The following ABCC5 variants were observed in gnomAD, a reference collection of about 807,000 sequenced individuals.
ABCC5 encodes the protein ATP-binding cassette sub-family C member 5.
ABCC5 carries 61 observed loss-of-function variants against 160.9 expected under a neutral mutation model. The ratio of observed to expected loss-of-function variants is 0.38; its 90% confidence interval spans 0.31 to 0.47. The LOEUF is 0.47. ABCC5 is among the 20% of genes least tolerant of loss of function. ABCC5 has a pLI of 0.99. For synonymous variants in ABCC5, 666 were observed against 700.6 expected (o/e 0.95, Z 0.78); for missense variants, 1,308 against 1,813.3 (o/e 0.72, Z 5.06).
intron 10 of ABCC5, among the ~76,000 whole-genome samples, chr3:183,974,945 A>G (rs1331474551): frequency 6.6e-6 from 1 of 152,252 alleles, no homozygotes; most frequent in African/African-American, 2.4e-5. Context: ...AATTTAAAAA[A>G]GAAAGAAAGA....
chr3:183,990,110 T>C (rs542426456), intron 2 of ABCC5, among the ~76,000 whole-genome samples: 1 of 150,692 alleles, frequency 6.6e-6, no homozygotes, highest in East Asian at 2.0e-4. Flanking sequence ...GCCCTGTTTT[T>C]ATTTTATTTT....
In ABCC5 at chr3:183,987,128, G is replaced by A. The variant is rs1460550821; in HGVS notation, c.591+642C>T. On this transcript the variant is annotated intron_variant, in intron 5 of 29. Coordinates refer to ENST00000334444, the MANE Select transcript of ABCC5 (RefSeq NM_005688.4). This position sits in a 1 kb window ranked among gnomAD's most constrained non-coding sequence, Gnocchi z 4.2. ...AATAGATTTAATCAAGGTCTCAAGT[G>A]TAAGGCAGCACAGCAGGTGTAAGAA... 1.2e-5 allele frequency: 2 copies of A among 160,332 alleles called. No individual in the cohort carries two copies. The highest frequency in any genetic ancestry group is 2.8e-5 in the Non-Finnish European group (2 of 72,696). 9.9% of individuals were successfully genotyped at this position (160,332 alleles called of 1,614,324 possible).
intron 5 of ABCC5, chr3:183,984,528 G>T (rs1002848425): frequency 7.9e-6 from 9 of 1,135,134 alleles, no homozygotes; most frequent in Non-Finnish European, 9.8e-6. Context: ...TTTTTCCTGA[G>T]ATTAAATTAA....
intron 11 of ABCC5, among the ~76,000 whole-genome samples, chr3:183,969,298 C>A (rs1446998695): frequency 6.6e-6 from 1 of 152,192 alleles, no homozygotes; most frequent in Non-Finnish European, 1.5e-5. Flanking sequence ...TACATTTTAG[C>A]TGCACGTGTG....
At chr3:183,958,088 T>C (rs112179609) in intron 17 of ABCC5, among the ~76,000 whole-genome samples, 161 of 148,192 alleles carry the variant, frequency 1.1e-3, no homozygotes, top group African/African-American at 3.9e-3. Flanking sequence ...ATATCACATC[T>C]GGTACATGCT....
chr3:183,927,987 A>C (rs1712759110), intron 27 of ABCC5: 1 of 198,778 alleles, frequency 5.0e-6, no homozygotes, highest in South Asian at 1.8e-4. Flanking sequence ...GGCCAGTGGT[A>C]TCAACCTGTA....
intron 5 of ABCC5, chr3:183,983,292 T>C (rs990381726): frequency 2.2e-6 from 1 of 450,964 alleles, no homozygotes; most frequent in East Asian, 4.0e-5. Context: ...AAATTAACTC[T>C]AAACACATGG....
At chr3:183,943,004 C>T in intron 24 of ABCC5, 88 bp from the exon 25 acceptor site, 1 of 1,375,494 alleles carries the variant, frequency 7.3e-7, no homozygotes, top group Non-Finnish European at 9.9e-7. Flanking sequence ...ACCAGGACAA[C>T]CATAGTAGCC....
intron 2 of ABCC5, among the ~76,000 whole-genome samples, chr3:183,995,226 C>T (rs1720169419): frequency 6.6e-6 from 1 of 151,868 alleles, no homozygotes; most frequent in African/African-American, 2.4e-5. Flanking sequence ...ATATTTTCTC[C>T]CATTTTATGG....
At chr3:183,978,924 G>A (rs922485809) in intron 8 of ABCC5, among the ~76,000 whole-genome samples, 1 of 152,222 alleles carries the variant, frequency 6.6e-6, no homozygotes, top group Non-Finnish European at 1.5e-5. Flanking sequence ...CTTAGGTTGA[G>A]AAGGAATGAA....
At chr3:184,013,915 C>T (rs1721970068) in intron 2 of ABCC5, among the ~76,000 whole-genome samples, 1 of 152,178 alleles carries the variant, frequency 6.6e-6, no homozygotes. Context: ...CTCTATCGCC[C>T]AGGCTGGAGT....
intron 12 of ABCC5, chr3:183,967,364 T>C: frequency 6.5e-6 from 2 of 305,514 alleles, no homozygotes; most frequent in East Asian, 8.1e-5. Context: ...GTGTAGGGTG[T>C]CTGCTCATCT....
intron 26 of ABCC5, among the ~76,000 whole-genome samples, chr3:183,932,170 TG>T (rs1165682288): frequency 3.9e-5 from 6 of 152,188 alleles, no homozygotes; most frequent in African/African-American, 1.4e-4. Flanking sequence ...ATAGTAGCCT[TG>T]GTTTTCAGAG....
chr3:183,932,459 G>GAT (rs1462037871), intron 26 of ABCC5, among the ~76,000 whole-genome samples: 1 of 152,172 alleles, frequency 6.6e-6, no homozygotes, highest in Non-Finnish European at 1.5e-5. Context: ...TCCACAAAGA[G>GAT]GCACGTCTAA....
intron 2 of ABCC5, among the ~76,000 whole-genome samples, chr3:183,991,135 TA>T (rs879878524): frequency 9.9e-4 from 140 of 141,672 alleles, no homozygotes; most frequent in Admixed American, 7.8e-4. Context: ...CTACAAAAAG[TA>T]AAAAAAAAAA....
intron 17 of ABCC5, among the ~76,000 whole-genome samples, chr3:183,956,676 T>C (rs375073440): frequency 6.0e-4 from 49 of 81,466 alleles, no homozygotes; most frequent in Admixed American, 1.0e-3. Context: ...GTGTATATCA[T>C]ATAGGTTACA....
rs1008334222 is a variant in ABCC5 at position 183,969,563 on chromosome 3, G to A, written c.1762-1797C>T. 5.9e-5 allele frequency among the ~76,000 whole-genome samples: 9 copies of A among 151,964 alleles called. No individual in the cohort carries two copies. The South Asian group carries it at 6.2e-4, about 11-fold the overall frequency. On this transcript the variant is annotated intron_variant, in intron 11 of 29. Transcript: ENST00000334444. ...AAAAATTAGCCAGGCACAGTGGCACGTGCCTATAATCCCAGCTACTCGGGA... is the reference window on the plus strand; with the variant it reads ...AAAAATTAGCCAGGCACAGTGGCACATGCCTATAATCCCAGCTACTCGGGA...
chr3:183,938,886 T>C lies in ABCC5; in HGVS notation c.3695-826A>G, dbSNP rs113010279. On this transcript the variant is annotated intron_variant, in intron 25 of 29. Transcript: ENST00000334444. ...GGAAGGAGGTTTTGCCTCGACTCAA[T>C]GAGTAGCTGTCAATGGCCCTACTGT... 6.3e-3 allele frequency among the ~76,000 whole-genome samples: 954 copies of C among 152,298 alleles called. 11 individuals are homozygous for C. The highest frequency in any genetic ancestry group is 0.022 in the African/African-American group (908 of 41,554).
At chr3:183,959,276 A>G (rs1162949528) in intron 17 of ABCC5, among the ~76,000 whole-genome samples, 1 of 152,200 alleles carries the variant, frequency 6.6e-6, no homozygotes, top group Non-Finnish European at 1.5e-5. Flanking sequence ...TCTTACTCAT[A>G]GTCCTGGTGC....
Sources: gnomAD v4.1 joint callset for allele counts (sites outside exome capture counted in the v4.1 genomes callset) on GRCh38, gnomAD v4.1.1 for gene constraint, Gnocchi (gnomAD v3.1) non-coding constraint, MANE v1.5 for transcripts, NCBI Gene and HGNC (gene_info 2026-07-23, HGNC 2026-07-21) for gene names.